SORCS2: variants seen among roughly 807,000 people sequenced by gnomAD.
SORCS2 encodes the protein sortilin related VPS10 domain containing receptor 2, also known as VPS10 domain-containing receptor SorCS2.
Under a neutral mutation model 141.6 loss-of-function variants are expected in SORCS2, and 100 were observed. That is an observed-to-expected ratio of 0.71 (90% CI 0.60 to 0.83). The LOEUF (loss-of-function observed/expected upper bound fraction) is 0.83, where lower values mean the gene tolerates loss of function less well. SORCS2 is among the 40% of genes least tolerant of loss of function. SORCS2 has a pLI of 0.00. For missense variants in SORCS2, 1,646 were observed against 1,560.2 expected, an observed-to-expected ratio of 1.05 and a Z score of -0.93; for synonymous variants, 789 against 676.9, an observed-to-expected ratio of 1.17 and a Z score of -2.57.
intron 1 of SORCS2, among the ~76,000 whole-genome samples, chr4:7,295,576 G>A (rs1428839241): frequency 6.6e-6 from 1 of 152,184 alleles, no homozygotes. Context: ...GGGAAGCGCT[G>A]GTGGGGGCTG....
chr4:7,326,367 G>A (rs1169006221), intron 1 of SORCS2, among the ~76,000 whole-genome samples: 2 of 152,118 alleles, frequency 1.3e-5, no homozygotes, highest in Admixed American at 6.5e-5. Context: ...TGTAAAGTGG[G>A]TACAGCAGTG....
At chr4:7,391,656 A>G (rs1003155098) in intron 1 of SORCS2, among the ~76,000 whole-genome samples, 1 of 152,322 alleles carries the variant, frequency 6.6e-6, no homozygotes, top group East Asian at 1.9e-4. Flanking sequence ...AGCGAGAGTC[A>G]GTGGACGTGG....
At chr4:7,283,008 C>T (rs1298869126) in intron 1 of SORCS2, among the ~76,000 whole-genome samples, 1 of 152,134 alleles carries the variant, frequency 6.6e-6, no homozygotes, top group East Asian at 1.9e-4. Flanking sequence ...TTAATTCACT[C>T]ATTCACCCAT....
chr4:7,652,081 G>A (rs537965697), intron 4 of SORCS2, among the ~76,000 whole-genome samples: 1 of 152,306 alleles, frequency 6.6e-6, no homozygotes, highest in Non-Finnish European at 1.5e-5. Flanking sequence ...GCACTATGAA[G>A]TCCCACCCCC....
intron 1 of SORCS2, among the ~76,000 whole-genome samples, chr4:7,221,335 G>T (rs763308171): frequency 6.6e-6 from 1 of 152,220 alleles, no homozygotes; most frequent in Non-Finnish European, 1.5e-5. Flanking sequence ...CCTACGGGTG[G>T]ACCCAGTGTC....
At chr4:7,709,544 G>T (rs1725690345) in intron 14 of SORCS2, among the ~76,000 whole-genome samples, 1 of 152,224 alleles carries the variant, frequency 6.6e-6, no homozygotes, top group Non-Finnish European at 1.5e-5. Flanking sequence ...TGCATCTTCA[G>T]ACAGCTTCCC....
At chr4:7,720,354 A>G (rs1200457893) in intron 18 of SORCS2, among the ~76,000 whole-genome samples, 2 of 152,160 alleles carry the variant, frequency 1.3e-5, no homozygotes, top group Non-Finnish European at 2.9e-5. Context: ...CTCACACCCG[A>G]TAGAAAAATG....
chr4:7,411,708 T>G (rs1261495379), intron 2 of SORCS2, among the ~76,000 whole-genome samples: 1 of 152,154 alleles, frequency 6.6e-6, no homozygotes, highest in Non-Finnish European at 1.5e-5. Flanking sequence ...ACTCAGAGTT[T>G]AGTAGGGGTA....
intron 2 of SORCS2, among the ~76,000 whole-genome samples, chr4:7,479,034 T>C (rs1730470186): frequency 6.6e-6 from 1 of 152,154 alleles, no homozygotes; most frequent in East Asian, 1.9e-4. Flanking sequence ...TCTAGAAGGA[T>C]TCACAGAAGT....
At chr4:7,314,453 C>G (rs1172975537) in intron 1 of SORCS2, among the ~76,000 whole-genome samples, 2 of 151,870 alleles carry the variant, frequency 1.3e-5, no homozygotes, top group Non-Finnish European at 2.9e-5. Flanking sequence ...CATTCTCCTA[C>G]CTCAGCCTCC....
At chr4:7,395,260 C>T (rs1365493990) in intron 1 of SORCS2, among the ~76,000 whole-genome samples, 1 of 152,190 alleles carries the variant, frequency 6.6e-6, no homozygotes, top group East Asian at 1.9e-4. Flanking sequence ...ACCTTAGGAC[C>T]GAGCGCAGGG....
At chr4:7,665,406 G>A (rs1222643552) in intron 7 of SORCS2, among the ~76,000 whole-genome samples, 1 of 152,222 alleles carries the variant, frequency 6.6e-6, no homozygotes, top group South Asian at 2.1e-4. Flanking sequence ...GCTCTCTGCT[G>A]AGCCCCAGCC....
chr4:7,194,833 G>A (rs1241987634), intron 1 of SORCS2, among the ~76,000 whole-genome samples: 1 of 152,158 alleles, frequency 6.6e-6, no homozygotes, highest in African/African-American at 2.4e-5. Context: ...AGCAAATCCC[G>A]CAGGGCCAGA....
In SORCS2 at chr4:7,587,061, G is replaced by C. The variant is rs184140673; in HGVS notation, c.649-51267G>C. Among the ~76,000 whole-genome samples the C allele has an allele frequency of 2.8e-3, 428 of 152,062 alleles. 1 individual carries two copies. Among genetic ancestry groups the C allele is most frequent in the African/African-American group, 9.7e-3 (402 of 41,492 alleles). ...TAGCTACAGATGATCGGAGATGGGC[G>C]GGGCTGCCCTGGGAGGTAGGGAGCT... is the stretch of plus-strand genomic sequence containing the variant. On this transcript the variant is annotated intron_variant, in intron 3 of 26. Transcript: ENST00000507866.
intron 2 of SORCS2, among the ~76,000 whole-genome samples, chr4:7,453,706 TG>T (rs1339733637): frequency 2.0e-5 from 2 of 98,956 alleles, no homozygotes; most frequent in African/African-American, 4.2e-5. Flanking sequence ...GGCACTGTGT[TG>T]GGGTCAGGCA....
chr4:7,535,095 A>G (rs955571517), intron 3 of SORCS2, among the ~76,000 whole-genome samples: 15 of 152,332 alleles, frequency 9.8e-5, no homozygotes, highest in Middle Eastern at 6.8e-3. Flanking sequence ...GCAAAGTCAC[A>G]GGTGCAGACA....
At chr4:7,350,101 A>G (rs1455568030) in intron 1 of SORCS2, among the ~76,000 whole-genome samples, 1 of 152,180 alleles carries the variant, frequency 6.6e-6, no homozygotes, top group Non-Finnish European at 1.5e-5. Flanking sequence ...GGGTATTTTC[A>G]TGCATTTTTC....
chr4:7,618,834 G>A (rs1370322912), intron 3 of SORCS2, among the ~76,000 whole-genome samples: 17 of 92,932 alleles, frequency 1.8e-4, no homozygotes, highest in Admixed American at 3.7e-4. Flanking sequence ...AGCCATGTGC[G>A]CAAACACACA....
intron 2 of SORCS2, among the ~76,000 whole-genome samples, chr4:7,456,849 T>G (rs1056430096): frequency 2.0e-5 from 3 of 151,818 alleles, no homozygotes; most frequent in African/African-American, 7.3e-5. Context: ...CCTGCAGAAT[T>G]CCACCCCACC....
Sources: allele counts gnomAD v4.1 joint callset (sites outside exome capture counted in the v4.1 genomes callset), GRCh38; gene constraint gnomAD v4.1.1; transcripts MANE v1.5; gene names NCBI Gene and HGNC (gene_info 2026-07-23, HGNC 2026-07-21).